Variants in AGBL4 observed in about 807,000 individuals in gnomAD.
AGBL4 encodes the protein AGBL carboxypeptidase 4, also known as cytosolic carboxypeptidase 6.
AGBL4 carries 58 observed loss-of-function variants against 66.4 expected under a neutral mutation model. That is an observed-to-expected ratio of 0.87 (90% CI 0.71 to 1.09). AGBL4 has a LOEUF of 1.09. Among genes scored for constraint, AGBL4 ranks in the 50% least tolerant of loss-of-function variants. AGBL4 has a pLI of 0.00. For missense variants in AGBL4, 579 were observed against 631.0 expected, an observed-to-expected ratio of 0.92 and a Z score of 0.88; for synonymous variants, 234 against 222.9, an observed-to-expected ratio of 1.05 and a Z score of -0.44.
At chr1:49,304,900 C>T (rs542805523) in intron 3 of AGBL4, among the ~76,000 whole-genome samples, 90 of 152,256 alleles carry the variant, frequency 5.9e-4, no homozygotes, top group Non-Finnish European at 1.1e-3. Context: ...GTTGCACTTA[C>T]ACATTTTTAG....
At chr1:48,694,346 T>C (rs1212733894) in intron 6 of AGBL4, among the ~76,000 whole-genome samples, 1 of 152,232 alleles carries the variant, frequency 6.6e-6, no homozygotes, top group South Asian at 2.1e-4. Context: ...TGGATTTAGA[T>C]GCCAAGTTCA....
At chr1:48,645,407 T>G (rs1039366920) in intron 8 of AGBL4, among the ~76,000 whole-genome samples, 3 of 152,182 alleles carry the variant, frequency 2.0e-5, no homozygotes, top group African/African-American at 4.8e-5. Flanking sequence ...ACCACAGGCT[T>G]CTTGTAAGGA....
chr1:49,408,900 A>G (rs1048239761), intron 3 of AGBL4, among the ~76,000 whole-genome samples: 2 of 152,168 alleles, frequency 1.3e-5, no homozygotes, highest in African/African-American at 4.8e-5. Context: ...TCCCTTTCAT[A>G]TATACATCTG....
chr1:49,822,310 C>CGTGTGTGTGT (rs143957066), intron 2 of AGBL4, among the ~76,000 whole-genome samples: 2 of 145,888 alleles, frequency 1.4e-5, no homozygotes, highest in African/African-American at 5.0e-5. Context: ...CTTCTTTCTT[C>CGTGTGTGTGT]GTGTGTGTGT....
At chr1:48,955,769 G>T (rs1657400298) in intron 5 of AGBL4, among the ~76,000 whole-genome samples, 2 of 152,200 alleles carry the variant, frequency 1.3e-5, no homozygotes, top group South Asian at 4.1e-4. Context: ...TTTGCCCGTG[G>T]CTGGATGACC....
chr1:48,719,110 AAGGAGGTGGCTC>A (rs1160172567), intron 6 of AGBL4, among the ~76,000 whole-genome samples: 11 of 152,186 alleles, frequency 7.2e-5, no homozygotes, highest in African/African-American at 2.7e-4. Flanking sequence ...CCACAGTATT[AAGGAGGTGGCTC>A]AGGAAAGACC....
At chr1:49,009,314 CA>C (rs1277074248) in intron 5 of AGBL4, among the ~76,000 whole-genome samples, 3 of 152,080 alleles carry the variant, frequency 2.0e-5, no homozygotes, top group Non-Finnish European at 4.4e-5. Context: ...TACACCCTCC[CA>C]AGACTAAACC....
chr1:49,628,318 C>T (rs937388112), intron 3 of AGBL4, among the ~76,000 whole-genome samples: 4 of 152,110 alleles, frequency 2.6e-5, no homozygotes, highest in African/African-American at 7.2e-5. Flanking sequence ...TTTCACACAA[C>T]CTGGACCTGC....
intron 11 of AGBL4, among the ~76,000 whole-genome samples, chr1:48,551,794 A>G (rs1251890734): frequency 1.3e-5 from 2 of 151,992 alleles, no homozygotes; most frequent in Non-Finnish European, 2.9e-5. Context: ...CTACCCTGGG[A>G]AAAACGTTTC....
At chr1:49,057,255 G>T (rs1279383650) in intron 4 of AGBL4, among the ~76,000 whole-genome samples, 1 of 151,940 alleles carries the variant, frequency 6.6e-6, no homozygotes, top group Non-Finnish European at 1.5e-5. Flanking sequence ...GAAAAGAAAA[G>T]AAAAATATAA....
chr1:49,893,286 A>C (rs1407026378), intron 1 of AGBL4, among the ~76,000 whole-genome samples: 4 of 152,190 alleles, frequency 2.6e-5, no homozygotes, highest in Non-Finnish European at 5.9e-5. Context: ...TGGCCAAATA[A>C]AAGGCTCCAC....
chr1:49,769,562 C>T (rs968742144), intron 2 of AGBL4, among the ~76,000 whole-genome samples: 13 of 152,154 alleles, frequency 8.5e-5, no homozygotes, highest in African/African-American at 3.1e-4. Context: ...TGACTTCAAA[C>T]TACACTACAG....
intron 3 of AGBL4, among the ~76,000 whole-genome samples, chr1:49,250,853 G>T (rs1652002837): frequency 6.6e-6 from 1 of 152,144 alleles, no homozygotes; most frequent in Non-Finnish European, 1.5e-5. Flanking sequence ...GGACAATTGA[G>T]GTGGCAGGGA....
the AGBL4 span, among the ~76,000 whole-genome samples, chr1:48,527,046 G>C: frequency 6.6e-6 from 1 of 152,232 alleles, no homozygotes; most frequent in African/African-American, 2.4e-5. Context: ...TCTGAGCTGT[G>C]GAATGTCTCA....
chr1:49,045,500 G>T, intron 5 of AGBL4, 84 bp downstream of exon 5: 1 of 1,148,500 alleles, frequency 8.7e-7, no homozygotes, highest in Non-Finnish European at 1.3e-6. Flanking sequence ...TTCATTATTT[G>T]CATTGCATAA....
rs1370991195 is a variant in AGBL4 at position 49,229,634 on chromosome 1, T to C, written c.377+16136A>G. Among the ~76,000 whole-genome samples the C allele has an allele frequency of 4.6e-5, 7 of 152,340 alleles. No individual in the cohort carries two copies. In the East Asian group the frequency reaches 1.3e-3, roughly 29 times the overall value. ...AGAAAAAAACATTTGTATTCCTTGA[T>C]TGAATTCAAAAAAAGACTTGTCAGT... On this transcript the variant is annotated intron_variant, in intron 4 of 13. Coordinates refer to ENST00000371839, the MANE Select transcript of AGBL4 (RefSeq NM_032785.4).
At chr1:49,543,561 T>C (rs1479069153) in intron 3 of AGBL4, among the ~76,000 whole-genome samples, 7 of 152,134 alleles carry the variant, frequency 4.6e-5, no homozygotes, top group Non-Finnish European at 1.0e-4. Context: ...GAGAATACTG[T>C]AAACAAGCTA....
chr1:49,720,399 T>C (rs2124684611), intron 2 of AGBL4, among the ~76,000 whole-genome samples: 1 of 152,294 alleles, frequency 6.6e-6, no homozygotes. Context: ...ATATATTCAA[T>C]CTGTACTATA....
At chr1:49,891,442 G>T (rs562707485) in intron 1 of AGBL4, among the ~76,000 whole-genome samples, 1 of 152,238 alleles carries the variant, frequency 6.6e-6, no homozygotes, top group East Asian at 1.9e-4. Context: ...ACTGTAGGAG[G>T]TGCTAGTGGC....
Sources: gnomAD v4.1 joint callset for allele counts (sites outside exome capture counted in the v4.1 genomes callset) on GRCh38, gnomAD v4.1.1 for gene constraint, MANE v1.5 for transcripts, NCBI Gene and HGNC (gene_info 2026-07-23, HGNC 2026-07-21) for gene names.